Variants in DPP8 observed in about 807,000 individuals in gnomAD.
The protein encoded by DPP8 is DPP VIII.
DPP8 carries 31 observed loss-of-function variants against 107.5 expected under a neutral mutation model. That is an observed-to-expected ratio of 0.29 (90% CI 0.22 to 0.39). DPP8 has a LOEUF of 0.39. Among genes scored for constraint, DPP8 ranks in the 10% least tolerant of loss-of-function variants. The probability of loss-of-function intolerance (pLI) is 1.00; values close to 1 mark genes in which losing one functional copy is unlikely to be tolerated. For missense variants in DPP8, 842 were observed against 1,076.1 expected (o/e 0.78, Z 3.04); for synonymous variants, 381 against 356.6 (o/e 1.07, Z -0.77).
intron 3 of DPP8, 51 bp from the exon 4 acceptor site, chr15:65,500,830 T>G (rs755669875): frequency 6.9e-7 from 1 of 1,450,372 alleles, no homozygotes; most frequent in Admixed American, 2.0e-5. Context: ...AACCATCTTT[T>G]GCTTTTAGCA....
At position 65,487,517 on chromosome 15, in the gene DPP8, C is replaced by A. The variant is rs576388018; in HGVS notation, c.955+173G>T. On this transcript the variant is annotated intron_variant, in intron 7 of 19. Coordinates refer to ENST00000300141, the MANE Select transcript of DPP8 (RefSeq NM_130434.5). ...AGACATCCCTACCTTTGAAAAGAATCAAAAAGATCACCCTTTAATTCAAAA... is the reference window on the plus strand; with the variant it reads ...AGACATCCCTACCTTTGAAAAGAATAAAAAAGATCACCCTTTAATTCAAAA... 1.5e-3 allele frequency among the ~76,000 whole-genome samples: 229 copies of A among 152,208 alleles called. 2 individuals carry two copies. The highest frequency in any genetic ancestry group is 3.3e-3 in the East Asian group (17 of 5,178).
At chr15:65,456,186 T>C in intron 16 of DPP8, 39 bp downstream of exon 16, 2 of 1,594,022 alleles carry the variant, frequency 1.3e-6, no homozygotes, top group Non-Finnish European at 1.7e-6. Flanking sequence ...CCAGAAAATG[T>C]AAATGTCTGT....
At chr15:65,483,773 T>G (rs352456) in intron 8 of DPP8, among the ~76,000 whole-genome samples, 9,176 of 152,174 alleles carry the variant, frequency 0.06, 276 homozygotes, top group African/African-American at 0.082. Flanking sequence ...CAAAAACTTG[T>G]ACACACATAC....
intron 4 of DPP8, 57 bp downstream of exon 4, chr15:65,500,549 G>A: frequency 7.1e-7 from 1 of 1,404,030 alleles, no homozygotes; most frequent in Non-Finnish European, 9.9e-7. Flanking sequence ...TTCTGCTTTG[G>A]GTACAAATAA....
chr15:65,481,640 T>C (rs2066934311), intron 8 of DPP8, 25 bp from the exon 9 acceptor site: 1 of 1,240,456 alleles, frequency 8.1e-7, no homozygotes. Context: ...AAAAAAAGAA[T>C]CTAGTTATAG....
At position 65,454,359 on chromosome 15, in the gene DPP8, A is replaced by T. The variant is rs773708779; in HGVS notation, c.2175T>A (p.Tyr725Ter). The T allele has an allele frequency of 1.2e-6, 2 of 1,604,980 alleles. No homozygotes were observed. Among genetic ancestry groups the T allele is most frequent in the African/African-American group, 2.7e-5 (2 of 74,236 alleles). ...VEGLQYLASR[Y>*]DFIDLDRVGI... ...CCACACGATCTAAGTCAATGAAATC[A>T]TATCGAGAAGCTAGATATTGGAGTC... is the stretch of plus-strand genomic sequence containing the variant. Residue 725 changes from tyrosine (Y) to a stop codon, truncating the protein, a stop_gained, in exon 17 of 20, where the codon TAT (tyrosine) becomes TAA (stop). Transcript: ENST00000300141. LOFTEE classifies it high-confidence loss of function.
At chr15:65,447,886 G>C (rs1416505069) in intron 19 of DPP8, among the ~76,000 whole-genome samples, 4 of 152,068 alleles carry the variant, frequency 2.6e-5, no homozygotes, top group African/African-American at 7.3e-5. Context: ...CTTTTCCGAT[G>C]AGCTCAGTAG....
At chr15:65,513,218 A>AT (rs34004289) in intron 1 of DPP8, among the ~76,000 whole-genome samples, 67,160 of 147,598 alleles carry the variant, frequency 0.46, 16,862 homozygotes, top group Non-Finnish European at 0.57. Context: ...GTGACTCTAC[A>AT]TTTTTTTTTT....
rs1418748662 is a variant in DPP8 at position 65,480,160 on chromosome 15, T to TAA, written c.1296+60_1296+61dup. On this transcript the variant is annotated intron_variant, in intron 10 of 19. Coordinates refer to ENST00000300141, the MANE Select transcript of DPP8 (RefSeq NM_130434.5). ...AAATGCATTTTGATAGTTTGCTATA[T>TAA]AACTTCATTTGCTTTAGCATTCTGA... The TAA allele has an allele frequency of 2.7e-6, 4 of 1,468,564 alleles. No homozygotes were observed. In the East Asian group the frequency reaches 9.1e-5, roughly 34 times the overall value. The allele number at this position is 1,468,564 out of a possible 1,614,324, so 91.0% of individuals were successfully genotyped here.
intron 3 of DPP8, 93 bp from the exon 4 acceptor site, chr15:65,500,872 T>TA: frequency 2.7e-5 from 14 of 512,390 alleles, no homozygotes; most frequent in Non-Finnish European, 4.3e-5. Flanking sequence ...CATTATTGAC[T>TA]CTTTTTTTTT....
chr15:65,467,570 G>C (rs2065473486), intron 12 of DPP8, among the ~76,000 whole-genome samples: 1 of 152,126 alleles, frequency 6.6e-6, no homozygotes, highest in East Asian at 1.9e-4. Context: ...AGGAGATGAG[G>C]CCTCACTATG....
chr15:65,508,140 T>C (rs538804631), intron 2 of DPP8, among the ~76,000 whole-genome samples: 153 of 152,020 alleles, frequency 1.0e-3, no homozygotes, highest in African/African-American at 3.5e-3. Flanking sequence ...TTTGGGTGGC[T>C]GAGGCAGGAG....
chr15:65,490,127 T>C, intron 6 of DPP8, 62 bp downstream of exon 6: 1 of 871,054 alleles, frequency 1.1e-6, no homozygotes, highest in Non-Finnish European at 1.9e-6. Context: ...TGCACTTAAA[T>C]GACAGTTGAA....
chr15:65,477,461 T>C (rs908259403), intron 11 of DPP8, among the ~76,000 whole-genome samples: 3 of 151,422 alleles, frequency 2.0e-5, no homozygotes, highest in Non-Finnish European at 4.4e-5. Flanking sequence ...TCAATGTCAC[T>C]AAACTATACC....
chr15:65,512,526 G>C lies in DPP8; in HGVS notation c.28C>G (p.Leu10Val). MAAAMETEQ[L>V]GVEIFETADC... ...GCAGTTTCAAATATCTCAACACCCA[G>C]CTGTTCTGTTTCCATTGCTGCTGCC... The change falls in exon 2 of 20, where the codon CTG (leucine) becomes GTG (valine). Residue 10 changes from leucine to valine, a missense_variant. This residue lies in a region of DPP8 where 663 missense variants were observed against 758.0 expected (regional missense o/e 0.87). Coordinates refer to ENST00000300141, the MANE Select transcript of DPP8 (RefSeq NM_130434.5). 2 of 1,614,058 alleles carry C rather than the reference G, an allele frequency of 1.2e-6. No individual in the cohort carries two copies. Among genetic ancestry groups the C allele is most frequent in the South Asian group, 1.1e-5 (1 of 91,076 alleles).
intron 3 of DPP8, among the ~76,000 whole-genome samples, 191 bp from the exon 4 acceptor site, chr15:65,500,970 C>T (rs1344061789): frequency 6.6e-6 from 1 of 151,100 alleles, no homozygotes; most frequent in African/African-American, 2.4e-5. Context: ...CTCTGCCTCC[C>T]GGGTTCACAC....
rs2063384722 is a variant in DPP8, at chr15:65,443,751, T to C, written c.*3133A>G. On this transcript the variant is annotated 3_prime_UTR_variant, in exon 20 of 20. Coordinates refer to ENST00000300141, the MANE Select transcript of DPP8 (RefSeq NM_130434.5). ...CTTCATGGACTACTGTTTAGGTTCT[T>C]GTGAATCAGTCCAGTGTAAAAAATC... The C allele has an allele frequency of 1.3e-5, 2 of 152,206 alleles. No individual in the cohort carries two copies. The highest frequency in any genetic ancestry group is 1.3e-4 in the Admixed American group (2 of 15,282). The allele number at this position is 152,206 out of a possible 1,614,324, so 9.4% of individuals were successfully genotyped here. A position where few individuals can be genotyped will look rare whatever the true frequency, so the allele number is the denominator to read the frequency against.
At chr15:65,449,636 T>C (rs2063820041) in intron 19 of DPP8, among the ~76,000 whole-genome samples, 3 of 152,114 alleles carry the variant, frequency 2.0e-5, no homozygotes, top group Admixed American at 2.0e-4. Context: ...TTGTGAACTC[T>C]TGACCTCAGG....
chr15:65,512,087 TG>T, intron 2 of DPP8: 7 of 702,242 alleles, frequency 1.0e-5, no homozygotes. Context: ...AAAACGATCA[TG>T]ATCAATTAAT....
Sources: allele counts gnomAD v4.1 joint callset (sites outside exome capture counted in the v4.1 genomes callset), GRCh38; gene constraint gnomAD v4.1.1; regional missense constraint gnomAD v4.1.1; transcripts MANE v1.5; gene names NCBI Gene and HGNC (gene_info 2026-07-23, HGNC 2026-07-21).